Variants in SCOC observed in about 807,000 individuals in gnomAD.
The protein encoded by SCOC is short coiled coil protein.
SCOC carries 7 observed loss-of-function variants against 9.9 expected under a neutral mutation model. That is an observed-to-expected ratio of 0.71 (90% CI 0.40 to 1.33). The LOEUF (loss-of-function observed/expected upper bound fraction) is 1.33, where lower values mean the gene tolerates loss of function less well. Among genes scored for constraint, SCOC ranks in the 40% most tolerant of loss-of-function variants. The pLI is 0.01. For synonymous variants in SCOC, 19 were observed against 28.2 expected (o/e 0.67, Z 1.03); for missense variants, 66 against 89.7 (o/e 0.74, Z 1.07).
chr4:140,317,085 A>C (rs949918930), intron 1 of SCOC, among the ~76,000 whole-genome samples: 2 of 152,252 alleles, frequency 1.3e-5, no homozygotes, highest in East Asian at 1.9e-4. Context: ...CATGATCTTA[A>C]GGGCTTTTCA....
chr4:140,275,142 A>G (rs1041202970), intron 1 of SCOC, among the ~76,000 whole-genome samples: 1 of 152,212 alleles, frequency 6.6e-6, no homozygotes, highest in Non-Finnish European at 1.5e-5. Context: ...TTATCCATAC[A>G]TATTACATTT....
chr4:140,312,179 G>C (rs985566972), intron 1 of SCOC, among the ~76,000 whole-genome samples: 1 of 152,132 alleles, frequency 6.6e-6, no homozygotes, highest in Non-Finnish European at 1.5e-5. Flanking sequence ...AGTGACAACT[G>C]CCTCTGGAAG....
Position 140,381,263 on chromosome 4 carries a change from A to C in SCOC, c.*159A>C, listed in dbSNP as rs1157391540. 4 of 641,226 alleles carry C rather than the reference A, an allele frequency of 6.2e-6. No homozygotes were observed. The highest frequency in any genetic ancestry group is 1.0e-5 in the Non-Finnish European group (4 of 393,962). 39.7% of individuals were successfully genotyped at this position (641,226 alleles called of 1,614,324 possible). A position where few individuals can be genotyped will look rare whatever the true frequency, so the allele number is the denominator to read the frequency against. ...AATAACACAATAACAGGAGACTTCCATAAGTTTGTGTATTATGTTAGTCTA... is the reference window on the plus strand; with the variant it reads ...AATAACACAATAACAGGAGACTTCCCTAAGTTTGTGTATTATGTTAGTCTA... On this transcript the variant is annotated 3_prime_UTR_variant, in exon 4 of 4. Coordinates refer to ENST00000608372, the MANE Select transcript of SCOC (RefSeq NM_001153484.2).
intron 1 of SCOC, among the ~76,000 whole-genome samples, chr4:140,287,924 T>G (rs189748498): frequency 0.022 from 3,278 of 152,076 alleles, 54 homozygotes; most frequent in Non-Finnish European, 0.037. Flanking sequence ...ACATACTACC[T>G]GCACCACATA....
chr4:140,328,923 A>C (rs1271283461), intron 1 of SCOC, among the ~76,000 whole-genome samples: 2 of 152,174 alleles, frequency 1.3e-5, no homozygotes, highest in Non-Finnish European at 2.9e-5. Context: ...CAAAAAGTTG[A>C]AGCTTTTGCA....
At chr4:140,277,731 G>A (rs1418698384) in intron 1 of SCOC, among the ~76,000 whole-genome samples, 1 of 152,210 alleles carries the variant, frequency 6.6e-6, no homozygotes, top group Non-Finnish European at 1.5e-5. Context: ...GGCATGCCCA[G>A]AGAATGTGAT....
At chr4:140,375,545 GGATATTGTA>G (rs1728310242) in intron 1 of SCOC, among the ~76,000 whole-genome samples, 1 of 124,216 alleles carries the variant, frequency 8.1e-6, no homozygotes, top group Non-Finnish European at 1.8e-5. Context: ...GTGATATTGT[GGATATTGTA>G]CACTATTAGA....
Position 140,373,724 on chromosome 4 carries a change from G to A in SCOC, c.-51+7G>A. On this transcript the variant is annotated splice_region_variant and intron_variant, in intron 1 of 3. Transcript: ENST00000608372. ...CCGGCGCCTCAAGCGGAAGGTGAGG[G>A]CCGTCCCGGGCAGCGGAGGGCCTGG... 6.5e-7 allele frequency: 1 copy of A among 1,544,880 alleles called. No individual in the cohort carries two copies. Among genetic ancestry groups the A allele is most frequent in the East Asian group, 2.4e-5 (1 of 40,868 alleles).
chr4:140,297,279 G>T lies in SCOC; in HGVS notation c.-19+39869G>T, dbSNP rs865810671. Among the ~76,000 whole-genome samples, 188 of 150,324 alleles carry T rather than the reference G, an allele frequency of 1.3e-3. 3 individuals are homozygous for T. The South Asian group carries it at 0.035, about 28-fold the overall frequency. ...GCATTCTGGTGACTGTGGGGGGGGG[G>T]GCACTGTTGTCAGTATCTGCTGCCG... On this transcript the variant is annotated intron_variant, in intron 1 of 4. Coordinates refer to the SCOC transcript ENST00000394205.
At chr4:140,278,704 G>A (rs1303194478) in intron 1 of SCOC, among the ~76,000 whole-genome samples, 1 of 152,100 alleles carries the variant, frequency 6.6e-6, no homozygotes, top group East Asian at 1.9e-4. Flanking sequence ...ATACATTTTG[G>A]AGGGACACAT....
intron 1 of SCOC, among the ~76,000 whole-genome samples, chr4:140,264,737 G>T (rs1362272827): frequency 1.3e-5 from 2 of 152,136 alleles, no homozygotes; most frequent in Non-Finnish European, 2.9e-5. Context: ...AATATTATTG[G>T]AACTTAGAAT....
chr4:140,274,070 A>T (rs1174146936), intron 1 of SCOC, among the ~76,000 whole-genome samples: 3 of 152,282 alleles, frequency 2.0e-5, no homozygotes, highest in African/African-American at 4.8e-5. Flanking sequence ...TATGTGTTTT[A>T]GAAAGAAACT....
At chr4:140,286,361 G>GA (rs112709885) in intron 1 of SCOC, among the ~76,000 whole-genome samples, 4,056 of 142,972 alleles carry the variant, frequency 0.028, 145 homozygotes, top group African/African-American at 0.093. Flanking sequence ...GTTAAAGGCT[G>GA]AAAAAAAAAA....
chr4:140,309,621 A>ATC (rs1433114115), intron 1 of SCOC, among the ~76,000 whole-genome samples: 3 of 152,216 alleles, frequency 2.0e-5, no homozygotes, highest in Non-Finnish European at 4.4e-5. Flanking sequence ...ATATCCAAAT[A>ATC]AATCTGGGCT....
chr4:140,380,098 A>G (rs1728507108), intron 3 of SCOC, among the ~76,000 whole-genome samples: 2 of 151,976 alleles, frequency 1.3e-5, no homozygotes, highest in African/African-American at 2.4e-5. Flanking sequence ...TGCCACAGTG[A>G]GCAGATCATG....
At chr4:140,295,404 C>A (rs1731595059) in intron 1 of SCOC, among the ~76,000 whole-genome samples, 1 of 152,196 alleles carries the variant, frequency 6.6e-6, no homozygotes, top group Non-Finnish European at 1.5e-5. Context: ...CCATACTTGG[C>A]CATGTGGAGG....
Position 140,381,115 on chromosome 4 carries a change from C to G in SCOC, c.*11C>G. On this transcript the variant is annotated 3_prime_UTR_variant, in exon 4 of 4. Coordinates refer to ENST00000608372, the MANE Select transcript of SCOC (RefSeq NM_001153484.2). ...AGCAAAAGAAAGTAAGGGATTGACA[C>G]CCTTCTGTTTTATGGAATTGCTGCT... 6.3e-7 allele frequency: 1 copy of G among 1,579,010 alleles called. No homozygotes were observed.
At chr4:140,347,613 C>G (rs1578837045) in intron 2 of SCOC, among the ~76,000 whole-genome samples, 1 of 152,176 alleles carries the variant, frequency 6.6e-6, no homozygotes, top group African/African-American at 2.4e-5. Flanking sequence ...ATGATCCTAT[C>G]TACTCCTAGT....
Position 140,295,192 on chromosome 4 carries a change from T to C in SCOC, c.-19+37782T>C, listed in dbSNP as rs538884646. ...TTTCCTTCCTTCTTGAAGAAAATGC[T>C]TATGATATAATGATGGGGATCCCTC... On this transcript the variant is annotated intron_variant, in intron 1 of 4. Transcript: ENST00000394205. Among the ~76,000 whole-genome samples the C allele has an allele frequency of 1.1e-4, 16 of 152,362 alleles. 2 individuals carry two copies. The South Asian group carries it at 3.3e-3, about 32-fold the overall frequency.
Sources: allele counts gnomAD v4.1 joint callset (sites outside exome capture counted in the v4.1 genomes callset), GRCh38; gene constraint gnomAD v4.1.1; transcripts MANE v1.5; gene names NCBI Gene and HGNC (gene_info 2026-07-23, HGNC 2026-07-21).